SFMBT1: variants seen among roughly 807,000 people sequenced by gnomAD.
SFMBT1 encodes Scm like with four mbt domains 1, also known as scm-like with four MBT domains protein 1.
A neutral mutation model predicts 108.7 loss-of-function variants in SFMBT1; 32 were observed. That is an observed-to-expected ratio of 0.29 (90% confidence interval 0.22 to 0.40). The LOEUF is 0.40. Among genes scored for constraint, SFMBT1 ranks in the 10% least tolerant of loss-of-function variants. SFMBT1 has a pLI of 1.00. For synonymous variants in SFMBT1, 348 were observed against 369.5 expected (o/e 0.94, Z 0.67); for missense variants, 816 against 1,059.6 (o/e 0.77, Z 3.19).
At chr3:52,985,694 C>A (rs185109289) in intron 1 of SFMBT1, among the ~76,000 whole-genome samples, 1 of 152,222 alleles carries the variant, frequency 6.6e-6, no homozygotes, top group African/African-American at 2.4e-5. Context: ...CTTACGCAAA[C>A]CTAGATGGTG....
intron 13 of SFMBT1, among the ~76,000 whole-genome samples, chr3:52,917,332 T>C (rs1188937799): frequency 1.3e-5 from 2 of 151,958 alleles, no homozygotes; most frequent in Non-Finnish European, 2.9e-5. Flanking sequence ...TAAGATTAAA[T>C]GAGGTCATAA....
At chr3:52,967,386 C>A (rs1704183514) in intron 2 of SFMBT1, among the ~76,000 whole-genome samples, 2 of 151,812 alleles carry the variant, frequency 1.3e-5, no homozygotes, top group Middle Eastern at 3.4e-3. Context: ...ATCCTAGAGA[C>A]AGAAAGTAGA....
chr3:52,984,677 T>C (rs922976552), intron 1 of SFMBT1, among the ~76,000 whole-genome samples: 1 of 142,428 alleles, frequency 7.0e-6, no homozygotes. Flanking sequence ...CTATATTGAA[T>C]ATAGGTAATA....
chr3:52,945,604 G>C (rs549418494), intron 3 of SFMBT1, among the ~76,000 whole-genome samples: 2 of 151,786 alleles, frequency 1.3e-5, no homozygotes, highest in East Asian at 3.9e-4. Flanking sequence ...TCAGGAGATC[G>C]AGACCATCCT....
chr3:52,908,204 G>A (rs1702123723), intron 17 of SFMBT1, among the ~76,000 whole-genome samples: 1 of 151,522 alleles, frequency 6.6e-6, no homozygotes, highest in South Asian at 2.1e-4. Flanking sequence ...CTCCTGAGTA[G>A]CTGGGATTAC....
intron 4 of SFMBT1, among the ~76,000 whole-genome samples, chr3:52,942,624 T>C (rs1484476562): frequency 6.6e-6 from 1 of 152,230 alleles, no homozygotes; most frequent in Non-Finnish European, 1.5e-5. Flanking sequence ...GTGATTCTCC[T>C]GCCTCAGCCT....
At chr3:52,943,664 T>G (rs964488476) in intron 3 of SFMBT1, 71 bp from the exon 4 acceptor site, 3 of 1,594,472 alleles carry the variant, frequency 1.9e-6, no homozygotes, top group Non-Finnish European at 8.6e-7. Context: ...AATGTTCTTT[T>G]TTAAGACTTA....
intron 8 of SFMBT1, among the ~76,000 whole-genome samples, chr3:52,929,319 A>T (rs1375518268): frequency 1.3e-5 from 2 of 152,088 alleles, no homozygotes; most frequent in African/African-American, 4.8e-5. Flanking sequence ...GGCTCACCGT[A>T]ACCTCCGCCT....
intron 1 of SFMBT1, 119 bp downstream of exon 1, chr3:53,045,697 G>C (rs1700215189): frequency 7.2e-6 from 1 of 139,230 alleles, no homozygotes; most frequent in Non-Finnish European, 1.6e-5. Flanking sequence ...GCGGTTTCCC[G>C]TTGGCAAAGT....
At chr3:53,033,050 A>G (rs759617485) in intron 1 of SFMBT1, among the ~76,000 whole-genome samples, 15 of 152,182 alleles carry the variant, frequency 9.9e-5, no homozygotes, top group Non-Finnish European at 1.5e-4. Flanking sequence ...GCTCATGCCT[A>G]TAATCCCAGT....
At chr3:52,980,137 T>C (rs908585205) in intron 1 of SFMBT1, among the ~76,000 whole-genome samples, 2 of 152,166 alleles carry the variant, frequency 1.3e-5, no homozygotes, top group African/African-American at 2.4e-5. Context: ...TTAAAAAATA[T>C]CAAAACTTAT....
chr3:52,991,206 T>C (rs2106895679), intron 1 of SFMBT1, among the ~76,000 whole-genome samples: 1 of 152,286 alleles, frequency 6.6e-6, no homozygotes, highest in Non-Finnish European at 1.5e-5. Context: ...AGTTCTGTTG[T>C]ACACACCATT....
intron 10 of SFMBT1, among the ~76,000 whole-genome samples, chr3:52,923,352 G>A (rs1417771925): frequency 6.6e-6 from 1 of 152,106 alleles, no homozygotes; most frequent in African/African-American, 2.4e-5. Flanking sequence ...GATCGCCTGA[G>A]GTCAGGAATT....
At chr3:52,984,692 T>C (rs191414507) in intron 1 of SFMBT1, among the ~76,000 whole-genome samples, 331 of 117,170 alleles carry the variant, frequency 2.8e-3, no homozygotes, top group African/African-American at 9.1e-3. Flanking sequence ...GTAATATATA[T>C]TATTATAATA....
At chr3:52,984,043 G>A (rs1704818340) in intron 1 of SFMBT1, among the ~76,000 whole-genome samples, 1 of 152,186 alleles carries the variant, frequency 6.6e-6, no homozygotes, top group Non-Finnish European at 1.5e-5. Flanking sequence ...AAAATGTGGA[G>A]GAAGATGTAA....
At chr3:52,986,951 A>T (rs1039151362) in intron 1 of SFMBT1, among the ~76,000 whole-genome samples, 5 of 151,622 alleles carry the variant, frequency 3.3e-5, no homozygotes, top group African/African-American at 9.7e-5. Context: ...AAATATATAT[A>T]TTTTTTCTTT....
chr3:53,030,683 C>CAAAAAAAAA (rs10668462), intron 1 of SFMBT1, among the ~76,000 whole-genome samples: 36 of 82,564 alleles, frequency 4.4e-4, no homozygotes, highest in Middle Eastern at 0.017. Context: ...GGCCATAATG[C>CAAAAAAAAA]AAAAAAAAAA....
chr3:52,958,914 G>A (rs933344333), intron 2 of SFMBT1, among the ~76,000 whole-genome samples: 2 of 152,166 alleles, frequency 1.3e-5, no homozygotes, highest in African/African-American at 2.4e-5. Context: ...AAGAAAACCT[G>A]GTACATATAC....
chr3:52,958,673 T>C (rs1415674587), intron 2 of SFMBT1, among the ~76,000 whole-genome samples: 2 of 152,156 alleles, frequency 1.3e-5, no homozygotes, highest in East Asian at 3.8e-4. Context: ...TTTACACTGT[T>C]GGTGGGAATG....
Sources: gnomAD v4.1 joint callset for allele counts (sites outside exome capture counted in the v4.1 genomes callset) on GRCh38, gnomAD v4.1.1 for gene constraint, MANE v1.5 for transcripts, NCBI Gene and HGNC (gene_info 2026-07-23, HGNC 2026-07-21) for gene names.